Variants in CPEB3 observed in about 807,000 individuals in gnomAD.
CPEB3 encodes cytoplasmic polyadenylation element-binding protein 3.
CPEB3 carries 20 observed loss-of-function variants against 67.2 expected under a neutral mutation model. The ratio of observed to expected loss-of-function variants is 0.30; its 90% CI spans 0.21 to 0.43. The LOEUF (loss-of-function observed/expected upper bound fraction) is 0.43, where lower values mean the gene tolerates loss of function less well. Among genes scored for constraint, CPEB3 ranks in the 20% least tolerant of loss-of-function variants. The pLI, the probability that CPEB3 is intolerant of heterozygous loss-of-function variation, is 1.00. For synonymous variants in CPEB3, 376 were observed against 393.1 expected (o/e 0.96, Z 0.51); for missense variants, 746 against 968.6 (o/e 0.77, Z 3.05).
chr10:92,099,158 A>G (rs1428344419), intron 7 of CPEB3, among the ~76,000 whole-genome samples: 1 of 152,020 alleles, frequency 6.6e-6, no homozygotes, highest in East Asian at 1.9e-4. Flanking sequence ...ACTAAAGGTC[A>G]TTAATAGGGA....
intron 2 of CPEB3, among the ~76,000 whole-genome samples, chr10:92,211,568 G>C (rs977589203): frequency 6.9e-6 from 1 of 145,500 alleles, no homozygotes; most frequent in Admixed American, 7.0e-5. Flanking sequence ...ACAGAGTCTC[G>C]CTCTGTTGCC....
chr10:92,232,945 T>C (rs909608410), intron 2 of CPEB3, among the ~76,000 whole-genome samples: 2 of 152,210 alleles, frequency 1.3e-5, no homozygotes, highest in Admixed American at 1.3e-4. Context: ...TTGAAGTATA[T>C]AGTTTTATAT....
At chr10:92,121,102 G>A (rs1845349957) in intron 6 of CPEB3, among the ~76,000 whole-genome samples, 2 of 151,516 alleles carry the variant, frequency 1.3e-5, no homozygotes, top group South Asian at 2.1e-4. Context: ...TCCACCTCCT[G>A]GGTTCAAGAG....
At chr10:92,182,788 T>G (rs1216901200) in intron 3 of CPEB3, among the ~76,000 whole-genome samples, 4 of 142,368 alleles carry the variant, frequency 2.8e-5, no homozygotes, top group Non-Finnish European at 6.0e-5. Context: ...ATTGCGCCAC[T>G]GTACTCCAGC....
intron 2 of CPEB3, among the ~76,000 whole-genome samples, chr10:92,235,232 G>C (rs948396241): frequency 1.3e-5 from 2 of 152,172 alleles, no homozygotes; most frequent in Non-Finnish European, 2.9e-5. Flanking sequence ...GATCACTTGA[G>C]GTCAGGAGTT....
chr10:92,132,725 C>T (rs1477088046), intron 6 of CPEB3, among the ~76,000 whole-genome samples: 4 of 152,122 alleles, frequency 2.6e-5, no homozygotes, highest in Non-Finnish European at 5.9e-5. Context: ...TTCTTGTCAG[C>T]GCCACATCAC....
intron 3 of CPEB3, among the ~76,000 whole-genome samples, chr10:92,184,904 T>C (rs567716759): frequency 2.6e-5 from 4 of 152,362 alleles, no homozygotes; most frequent in Admixed American, 6.5e-5. Context: ...GGAGTGTATA[T>C]GTGTAAAGGT....
chr10:92,268,023 G>A (rs1028154160), intron 1 of CPEB3, among the ~76,000 whole-genome samples: 12 of 152,000 alleles, frequency 7.9e-5, no homozygotes, highest in East Asian at 7.8e-4. Flanking sequence ...TCACCACGTC[G>A]GCCAGGATGG....
At chr10:92,254,060 C>A (rs892316467) in intron 1 of CPEB3, among the ~76,000 whole-genome samples, 1 of 152,022 alleles carries the variant, frequency 6.6e-6, no homozygotes, top group Non-Finnish European at 1.5e-5. Flanking sequence ...GAGACCTTAT[C>A]TCTACAAAAT....
intron 4 of CPEB3, among the ~76,000 whole-genome samples, chr10:92,150,991 T>C (rs998442900): frequency 1.3e-5 from 2 of 152,218 alleles, no homozygotes; most frequent in African/African-American, 4.8e-5. Context: ...TCTATTTCAA[T>C]TACTATCTAT....
At chr10:92,108,793 T>C (rs1844592056) in intron 7 of CPEB3, among the ~76,000 whole-genome samples, 1 of 152,210 alleles carries the variant, frequency 6.6e-6, no homozygotes, top group Non-Finnish European at 1.5e-5. Flanking sequence ...AACAGATTAA[T>C]TCTACTAATT....
chr10:92,257,575 G>T (rs567470683), intron 1 of CPEB3, among the ~76,000 whole-genome samples: 7 of 152,204 alleles, frequency 4.6e-5, no homozygotes, highest in Non-Finnish European at 1.0e-4. Context: ...GATTACAGGG[G>T]TGAACCACCT....
At position 92,051,140 on chromosome 10, in the gene CPEB3, T is replaced by A. The variant is rs1776673720; in HGVS notation, c.*1072A>T. The A allele has an allele frequency of 6.6e-6, 1 of 152,594 alleles. No individual in the cohort carries two copies. The highest frequency in any genetic ancestry group is 1.5e-5 in the Non-Finnish European group (1 of 68,044). 9.5% of individuals were successfully genotyped at this position (152,594 alleles called of 1,614,324 possible). Reference sequence around the variant, plus strand: ...ATCGGTTGTAATATAGGTCATTCTGTTATGGGCTCTTCCCATTCAGAGCAT... The same window carrying A: ...ATCGGTTGTAATATAGGTCATTCTGATATGGGCTCTTCCCATTCAGAGCAT... On this transcript the variant is annotated 3_prime_UTR_variant, in exon 10 of 10. Transcript: ENST00000265997.
intron 1 of CPEB3, among the ~76,000 whole-genome samples, chr10:92,280,671 AC>A (rs1485295424): frequency 4.8e-5 from 7 of 147,036 alleles, no homozygotes; most frequent in East Asian, 3.9e-4. Context: ...AAAAAAAAAA[AC>A]CAAACAAACA....
At chr10:92,156,259 G>A (rs997222441) in intron 4 of CPEB3, among the ~76,000 whole-genome samples, 1 of 152,164 alleles carries the variant, frequency 6.6e-6, no homozygotes, top group Non-Finnish European at 1.5e-5. Flanking sequence ...TAGATGAGAG[G>A]AAGGGTGACC....
intron 1 of CPEB3, among the ~76,000 whole-genome samples, chr10:92,283,006 T>C (rs771761556): frequency 6.6e-6 from 1 of 152,164 alleles, no homozygotes; most frequent in Non-Finnish European, 1.5e-5. Flanking sequence ...ATCCCAGAAC[T>C]TTGGGAGGCC....
intron 1 of CPEB3, among the ~76,000 whole-genome samples, chr10:92,280,444 G>A (rs1269870128): frequency 6.6e-6 from 1 of 150,400 alleles, no homozygotes; most frequent in Non-Finnish European, 1.5e-5. Context: ...TTCCTGTCCA[G>A]GCATAGCGAC....
chr10:92,212,516 T>C (rs920485558), intron 2 of CPEB3, among the ~76,000 whole-genome samples: 1 of 152,142 alleles, frequency 6.6e-6, no homozygotes, highest in Non-Finnish European at 1.5e-5. Context: ...CCCAAAGTGC[T>C]GGGATTACAG....
At chr10:92,191,271 G>A (rs1181488729) in intron 3 of CPEB3, among the ~76,000 whole-genome samples, 5 of 151,562 alleles carry the variant, frequency 3.3e-5, no homozygotes, top group Non-Finnish European at 7.4e-5. Flanking sequence ...GCGAGGTGGC[G>A]GGCACCTGTA....
Sources: allele counts gnomAD v4.1 joint callset (sites outside exome capture counted in the v4.1 genomes callset), GRCh38; gene constraint gnomAD v4.1.1; transcripts MANE v1.5; gene names NCBI Gene and HGNC (gene_info 2026-07-23, HGNC 2026-07-21).